Variants in RBFOX2 observed in about 807,000 individuals in gnomAD.
RBFOX2 encodes RNA binding fox-1 homolog 2, also known as RNA binding protein fox-1 homolog 2.
RBFOX2 carries 10 observed loss-of-function variants against 49.1 expected under a neutral mutation model. That is an observed-to-expected ratio of 0.20 (90% CI 0.13 to 0.35). The LOEUF is 0.35. RBFOX2 is among the 10% of genes least tolerant of loss of function. The pLI, the probability that RBFOX2 is intolerant of heterozygous loss-of-function variation, is 1.00. For synonymous variants in RBFOX2, 183 were observed against 187.4 expected (o/e 0.98, Z 0.19); for missense variants, 323 against 486.9 (o/e 0.66, Z 3.17).
At chr22:35,956,050 GA>G (rs1235121920) in intron 1 of RBFOX2, among the ~76,000 whole-genome samples, 1 of 152,052 alleles carries the variant, frequency 6.6e-6, no homozygotes, top group Non-Finnish European at 1.5e-5. Context: ...AAAATTCATT[GA>G]TCTTGTACTT....
intron 9 of RBFOX2, chr22:35,747,168 C>T (rs1204324636): frequency 6.6e-6 from 1 of 152,198 alleles, no homozygotes; most frequent in African/African-American, 2.4e-5. Flanking sequence ...AGCTTGCCAC[C>T]TGTTTTTGAA....
At chr22:35,813,838 A>C (rs965146956) in intron 1 of RBFOX2, among the ~76,000 whole-genome samples, 1 of 152,250 alleles carries the variant, frequency 6.6e-6, no homozygotes, top group Admixed American at 6.5e-5. Flanking sequence ...AGAGAGCATA[A>C]CAAGGGATAA....
intron 1 of RBFOX2, among the ~76,000 whole-genome samples, chr22:35,856,006 C>T (rs904110509): frequency 2.0e-5 from 3 of 147,546 alleles, no homozygotes; most frequent in Admixed American, 1.4e-4. Context: ...GACTCTGTCT[C>T]AGGAAGAAAA....
At chr22:36,017,311 G>A (rs897563815) in intron 1 of RBFOX2, among the ~76,000 whole-genome samples, 4 of 152,066 alleles carry the variant, frequency 2.6e-5, no homozygotes, top group African/African-American at 9.7e-5. Flanking sequence ...GGTGGATCAT[G>A]ATGTCAGGAG....
rs117150859 is a variant in RBFOX2, at chr22:35,935,863, C to T, written c.-34+2984G>A. On this transcript the variant is annotated intron_variant, in intron 1 of 13. Coordinates refer to the RBFOX2 transcript ENST00000359369. ...CCTCTGTGTGCTTCAATTTCCTCAT[C>T]TTTCCAGAGGGAATATTTGCCTCAT... 6.1e-3 allele frequency among the ~76,000 whole-genome samples: 923 copies of T among 152,296 alleles called. 5 individuals are homozygous for T. The highest frequency in any genetic ancestry group is 0.01 in the Middle Eastern group (3 of 294).
At chr22:36,002,491 T>C (rs1338580099) in intron 1 of RBFOX2, among the ~76,000 whole-genome samples, 1 of 152,230 alleles carries the variant, frequency 6.6e-6, no homozygotes, top group Non-Finnish European at 1.5e-5. Context: ...TTTTGTTCAG[T>C]GAAAAATAAT....
At chr22:35,811,061 C>T (rs1319057592) in intron 1 of RBFOX2, among the ~76,000 whole-genome samples, 1 of 152,116 alleles carries the variant, frequency 6.6e-6, no homozygotes, top group Non-Finnish European at 1.5e-5. Context: ...AAAAGTTAAA[C>T]AACTTCAAAA....
chr22:35,831,105 C>T (rs1201073580), intron 1 of RBFOX2, among the ~76,000 whole-genome samples: 1 of 152,220 alleles, frequency 6.6e-6, no homozygotes, highest in Non-Finnish European at 1.5e-5. Flanking sequence ...CAGCCCTCCA[C>T]CTACTTTTGC....
At chr22:35,788,811 C>G (rs1471334554) in intron 2 of RBFOX2, among the ~76,000 whole-genome samples, 2 of 152,164 alleles carry the variant, frequency 1.3e-5, no homozygotes, top group Non-Finnish European at 2.9e-5. Flanking sequence ...GTGGAGAATT[C>G]TGTGGTCTCT....
chr22:35,959,360 G>T (rs1418424729), intron 1 of RBFOX2, among the ~76,000 whole-genome samples: 1 of 152,118 alleles, frequency 6.6e-6, no homozygotes, highest in Non-Finnish European at 1.5e-5. Flanking sequence ...GTCCAGAAAA[G>T]CATTTACCCC....
At chr22:35,962,844 T>C (rs999043715), upstream of RBFOX2, among the ~76,000 whole-genome samples, 1 of 152,070 alleles carries the variant, frequency 6.6e-6, no homozygotes, top group African/African-American at 2.4e-5. Flanking sequence ...CAGAGCCATA[T>C]TTGATAGCTG....
At chr22:35,801,069 C>A (rs953484444) in intron 2 of RBFOX2, among the ~76,000 whole-genome samples, 1 of 152,078 alleles carries the variant, frequency 6.6e-6, no homozygotes, top group East Asian at 1.9e-4. Context: ...AGTGGTAGAA[C>A]GAAGATTACG....
intron 2 of RBFOX2, among the ~76,000 whole-genome samples, chr22:35,791,549 TAGAAAG>T (rs1373363314): frequency 2.0e-5 from 3 of 152,198 alleles, no homozygotes; most frequent in Non-Finnish European, 2.9e-5. Context: ...TTATGAAACT[TAGAAAG>T]AGACTGAAAG....
At chr22:35,822,329 A>G (rs1172995631) in intron 1 of RBFOX2, among the ~76,000 whole-genome samples, 1 of 152,202 alleles carries the variant, frequency 6.6e-6, no homozygotes, top group Non-Finnish European at 1.5e-5. Flanking sequence ...GCTCTTCATT[A>G]TACCTAGTAT....
In RBFOX2 at chr22:35,758,221, A is replaced by G. The variant is rs75925765; in HGVS notation, c.887+1667T>C. On this transcript the variant is annotated intron_variant, in intron 9 of 11. Transcript: ENST00000405409. ...TGTTCAATGTAATGCACAGAAATTG[A>G]TATGATTAGACATAAAGATAAAATA... 3.2e-3 allele frequency among the ~76,000 whole-genome samples: 481 copies of G among 152,364 alleles called. 5 individuals are homozygous for G. The highest frequency in any genetic ancestry group is 5.1e-3 in the Non-Finnish European group (347 of 68,020).
At chr22:35,966,151 G>A (rs1426655204), upstream of RBFOX2, among the ~76,000 whole-genome samples, 1 of 152,082 alleles carries the variant, frequency 6.6e-6, no homozygotes, top group Admixed American at 6.5e-5. Flanking sequence ...TTTTGTGTTG[G>A]CTTCTTTCAC....
chr22:35,840,810 A>G (rs1958638920), upstream of RBFOX2, among the ~76,000 whole-genome samples: 1 of 152,260 alleles, frequency 6.6e-6, no homozygotes, highest in Non-Finnish European at 1.5e-5. Flanking sequence ...GTCAAATAAG[A>G]AATGAAACAA....
chr22:35,951,412 A>C (rs1292221948), intron 1 of RBFOX2, among the ~76,000 whole-genome samples: 2 of 150,708 alleles, frequency 1.3e-5, no homozygotes, highest in African/African-American at 4.9e-5. Flanking sequence ...CACCCGGCTA[A>C]TTCTGTATTT....
intron 1 of RBFOX2, 88 bp from the exon 3 acceptor site, chr22:35,810,092 T>C (rs1460346098): frequency 7.6e-7 from 1 of 1,323,490 alleles, no homozygotes; most frequent in Non-Finnish European, 1.1e-6. Context: ...ATTCTCTGAA[T>C]ATTCTCTCAC....
Sources: gnomAD v4.1 joint callset for allele counts (sites outside exome capture counted in the v4.1 genomes callset) on GRCh38, gnomAD v4.1.1 for gene constraint, MANE v1.5 for transcripts, NCBI Gene and HGNC (gene_info 2026-07-23, HGNC 2026-07-21) for gene names.